ZNF217: variants seen among roughly 807,000 people sequenced by gnomAD.
The protein encoded by ZNF217 is zinc finger protein 217.
In ZNF217, 12 loss-of-function variants were observed where a neutral mutation model predicts 73.3. That is an observed-to-expected ratio of 0.16 (90% CI 0.10 to 0.27). The LOEUF (loss-of-function observed/expected upper bound fraction) is 0.27. Among genes scored for constraint, ZNF217 ranks in the 10% least tolerant of loss-of-function variants. ZNF217 has a pLI of 1.00. For synonymous variants in ZNF217, 588 were observed against 516.4 expected (o/e 1.14, Z -1.88); for missense variants, 1,195 against 1,327.8 (o/e 0.90, Z 1.55).
chr20:53,575,889 A>C lies in ZNF217; in HGVS notation c.2875T>G (p.Cys959Gly), dbSNP rs980054180. 9 of 1,614,214 alleles carry C rather than the reference A, an allele frequency of 5.6e-6. No individual in the cohort carries two copies. The highest frequency in any genetic ancestry group is 7.6e-6 in the Non-Finnish European group (9 of 1,180,042). The change falls in exon 4 of 6, where the codon TGT (cysteine) becomes GGT (glycine). Residue 959 changes from cysteine (C) to glycine (G), a missense_variant. Coordinates refer to ENST00000371471, the MANE Select transcript of ZNF217 (RefSeq NM_006526.3). ...GGCAGCGCCTGCGACGGATACACACAGTCCTGCGGTAACAGTGATGTGATG... is the reference window on the plus strand; with the variant it reads ...GGCAGCGCCTGCGACGGATACACACCGTCCTGCGGTAACAGTGATGTGATG... ...RGITSLLPQD[C>G]VYPSQALPPK...
intron 1 of ZNF217, among the ~76,000 whole-genome samples, chr20:53,591,894 A>G (rs1256151643): frequency 2.0e-5 from 3 of 152,232 alleles, no homozygotes; most frequent in Non-Finnish European, 2.9e-5. Flanking sequence ...CTTCAGGGGA[A>G]AGAAGTACAG....
intron 1 of ZNF217, among the ~76,000 whole-genome samples, chr20:53,584,021 A>C (rs550338816): frequency 6.6e-6 from 1 of 152,358 alleles, no homozygotes; most frequent in East Asian, 1.9e-4. Flanking sequence ...TCATCAGAAA[A>C]TGGGCCCTCT....
In ZNF217 at chr20:53,576,377, G is replaced by T; in HGVS notation, c.2387C>A (p.Pro796His). 6.2e-7 allele frequency: 1 copy of T among 1,614,220 alleles called. No homozygotes were observed. The highest frequency in any genetic ancestry group is 1.1e-5 in the South Asian group (1 of 91,088). Residue 796 changes from proline (P) to histidine (H), a missense_variant, in exon 4 of 6, where the codon CCT (proline) becomes CAT (histidine). Physicochemically the swap from Pro to His is moderately conservative, Grantham distance 77 (BLOSUM62 -2). This residue lies in a region of ZNF217 where 649 missense variants were observed against 642.8 expected (regional missense o/e 1.01). Transcript: ENST00000371471. Reference sequence around the variant, plus strand: ...CAGAGGGGCCTTGCCTGGCCCAGGAGGGCTCTGCTTCCCCTTCGCAGATGG... The same window carrying T: ...CAGAGGGGCCTTGCCTGGCCCAGGATGGCTCTGCTTCCCCTTCGCAGATGG... ...SLPSAKGKQS[P>H]PGPGKAPLTS...
At position 53,582,995 on chromosome 20, in the gene ZNF217, G is replaced by T; in HGVS notation, c.-169C>A. ...TCTAACTTCTTCGAACTTTTAGGAAGCTCAGTGATGGTGTCACTGGTTCTT... is the reference window on the plus strand; with the variant it reads ...TCTAACTTCTTCGAACTTTTAGGAATCTCAGTGATGGTGTCACTGGTTCTT... On this transcript the variant is annotated 5_prime_UTR_variant, in exon 2 of 6. Coordinates refer to ENST00000371471, the MANE Select transcript of ZNF217 (RefSeq NM_006526.3). This position sits in a 1 kb window ranked among gnomAD's most constrained non-coding sequence, Gnocchi z 4.8. 1 of 648,862 alleles carries T rather than the reference G, an allele frequency of 1.5e-6. No individual in the cohort carries two copies. Among genetic ancestry groups the T allele is most frequent in the Non-Finnish European group, 2.5e-6 (1 of 397,288 alleles). 40.2% of individuals were successfully genotyped at this position (648,862 alleles called of 1,614,324 possible). A position where few individuals can be genotyped will look rare whatever the true frequency, so the allele number is the denominator to read the frequency against.
upstream of ZNF217, among the ~76,000 whole-genome samples, chr20:53,594,349 C>T (rs1368075927): frequency 8.1e-5 from 12 of 148,106 alleles, no homozygotes; most frequent in East Asian, 2.3e-3. Flanking sequence ...CCGCCCCGCC[C>T]CCTGCCTTCA....
intron 2 of ZNF217, among the ~76,000 whole-genome samples, chr20:53,579,748 T>G (rs1988417152): frequency 1.3e-5 from 2 of 152,260 alleles, no homozygotes; most frequent in South Asian, 4.1e-4. Flanking sequence ...TTTTTACAAA[T>G]AGGCTGTTGA....
intron 5 of ZNF217, among the ~76,000 whole-genome samples, chr20:53,569,959 A>G (rs1987920736): frequency 6.6e-6 from 1 of 152,000 alleles, no homozygotes; most frequent in South Asian, 2.1e-4. Context: ...CAAAACCAAT[A>G]TGTGAGCTGG....
At position 53,571,778 on chromosome 20, in the gene ZNF217, T is replaced by C. The variant is rs1162974854; in HGVS notation, c.3113A>G (p.Asn1038Ser). The stretch of plus-strand genomic sequence containing the variant: ...TTTGTCATTTGGTCGATAATGTGCA[T>C]TCCCAATAAAATTCTCATAGTTTCT... ...QKRNYENFIG[N>S]AHYRPNDKKT is the part of the protein sequence containing the mutation. Residue 1038 changes from asparagine to serine, a missense_variant, in exon 5 of 6, where the codon AAT becomes AGT. Transcript: ENST00000371471. The C allele has an allele frequency of 6.2e-6, 10 of 1,613,684 alleles. 1 individual carries two copies. The highest frequency in any genetic ancestry group is 3.3e-4 in the Middle Eastern group (2 of 6,082).
Position 53,575,875 on chromosome 20 carries a change from C to T in ZNF217, c.2889G>A (p.Ser963=). ...ACCTTGGTTTGGGAGGCAGCGCCTG[C>T]GACGGATACACACAGTCCTGCGGTA... is the stretch of plus-strand genomic sequence containing the variant. ...SLLPQDCVYP[S]QALPPKPRFL... The change falls in exon 4 of 6, where the codon TCG becomes TCA. Residue 963 remains serine (S), a synonymous_variant. Coordinates refer to ENST00000371471, the MANE Select transcript of ZNF217 (RefSeq NM_006526.3). The T allele has an allele frequency of 4.3e-6, 7 of 1,614,204 alleles. No homozygotes were observed. The highest frequency in any genetic ancestry group is 4.2e-6 in the Non-Finnish European group (5 of 1,180,044).
upstream of ZNF217, among the ~76,000 whole-genome samples, chr20:53,597,094 AAAG>A (rs1339019477): frequency 1.3e-5 from 2 of 151,664 alleles, no homozygotes; most frequent in Non-Finnish European, 2.9e-5. Flanking sequence ...AAAAAAAAAA[AAAG>A]AAAAAAAAAA....
intron 1 of ZNF217, among the ~76,000 whole-genome samples, chr20:53,592,845 A>T (rs1301191582): frequency 2.6e-5 from 4 of 151,598 alleles, no homozygotes; most frequent in African/African-American, 9.7e-5. Context: ...TTAAAAAAAA[A>T]AAAAAAGAAA....
rs1264717632 is a variant in ZNF217, at chr20:53,567,985, G to C, written c.*1303C>G. 1 of 152,592 alleles carries C rather than the reference G, an allele frequency of 6.6e-6. No homozygotes were observed. Among genetic ancestry groups the C allele is most frequent in the Non-Finnish European group, 1.5e-5 (1 of 68,030 alleles). 9.5% of individuals were successfully genotyped at this position (152,592 alleles called of 1,614,324 possible). A position where few individuals can be genotyped will look rare whatever the true frequency, so the allele number is the denominator to read the frequency against. On this transcript the variant is annotated 3_prime_UTR_variant, in exon 6 of 6. Transcript: ENST00000371471. The stretch of plus-strand genomic sequence containing the variant: ...GTACTAATAAACTCAGCCATGGACA[G>C]CATATTAAAGAACAAAAGTTTAAAA...
rs746352060 is a variant in ZNF217, at chr20:53,581,821, T to C, written c.1006A>G (p.Thr336Ala). Reference sequence around the variant, plus strand: ...AGGCCTGCACAACTGCCCTTATTTGTTTCTCCAAGCTCCTTCTCGGAACTC... The same window carrying C: ...AGGCCTGCACAACTGCCCTTATTTGCTTCTCCAAGCTCCTTCTCGGAACTC... ...DSSSEKELGE[T>A]NKGSCAGLSQ... The change falls in exon 2 of 6, where the codon ACA (threonine) becomes GCA (alanine). Residue 336 changes from threonine (T) to alanine (A), a missense_variant. Thr to Ala is a moderately conservative substitution (Grantham distance 58, BLOSUM62 0). Around this residue, in one of 9 missense-constraint regions of ZNF217, gnomAD observed 102 missense variants for 91.9 expected, o/e 1.11. Coordinates refer to ENST00000371471, the MANE Select transcript of ZNF217 (RefSeq NM_006526.3). The surrounding 1 kb of genome is among the most constrained non-coding windows in gnomAD (Gnocchi z 4.9). The C allele has an allele frequency of 1.2e-6, 2 of 1,614,238 alleles. No individual in the cohort carries two copies. The highest frequency in any genetic ancestry group is 1.7e-6 in the Non-Finnish European group (2 of 1,180,030).
intron 1 of ZNF217, among the ~76,000 whole-genome samples, chr20:53,585,903 C>T (rs568762697): frequency 6.6e-6 from 1 of 152,250 alleles, no homozygotes; most frequent in South Asian, 2.1e-4. Context: ...AGAATTCTTT[C>T]TCCAGGAAAG....
intron 5 of ZNF217, chr20:53,570,548 T>C (rs968187671): frequency 5.2e-5 from 8 of 152,632 alleles, no homozygotes; most frequent in African/African-American, 1.9e-4. Flanking sequence ...GAATGAGTCA[T>C]AGTATAACCT....
rs1987880281 is a variant in ZNF217, at chr20:53,569,213, G to A, written c.*75C>T. ...AGCTTTCACCATTCGCTTCTCAAAG[G>A]ATGAAGTAAAATTTAATTTCATGGG... On this transcript the variant is annotated 3_prime_UTR_variant, in exon 6 of 6. Transcript: ENST00000371471. 1.5e-6 allele frequency: 2 copies of A among 1,350,964 alleles called. No individual in the cohort carries two copies. The highest frequency in any genetic ancestry group is 2.0e-6 in the Non-Finnish European group (2 of 1,014,260). The allele number at this position is 1,350,964 out of a possible 1,614,324, so 83.7% of individuals were successfully genotyped here. A position where few individuals can be genotyped will look rare whatever the true frequency, so the allele number is the denominator to read the frequency against.
rs1988230955 is a variant in ZNF217, at chr20:53,575,775, A to G, written c.2989T>C (p.Tyr997His). 4 of 1,609,192 alleles carry G rather than the reference A, an allele frequency of 2.5e-6. No homozygotes were observed. The highest frequency in any genetic ancestry group is 1.7e-5 in the Admixed American group (1 of 59,246). ...QKPYGGSGPL[Y>H]TCVPAGSPAS... ...GGACTACCAGCAGGCACACAAGTGT[A>G]AAGTGGCCCGGAGCCACCATAGGGC... Residue 997 changes from tyrosine (Y) to histidine (H), a missense_variant, in exon 4 of 6, where the codon TAC (tyrosine) becomes CAC (histidine). Coordinates refer to ENST00000371471, the MANE Select transcript of ZNF217 (RefSeq NM_006526.3).
chr20:53,576,761 G>A lies in ZNF217; in HGVS notation c.2003C>T (p.Thr668Met), dbSNP rs746990012. 41 of 1,614,062 alleles carry A rather than the reference G, an allele frequency of 2.5e-5. No individual in the cohort carries two copies. In the African/African-American group the frequency reaches 3.9e-4, roughly 15 times the overall value. ...GTATCTGCAGTCAGCTGCGGTCTCC[G>A]TTTGCTTCTCTTTGGGGCTAACTTC... ...NLEVSPKEKQ[T>M]ETAADCRYRP... Residue 668 changes from threonine (T) to methionine (M), a missense_variant, in exon 4 of 6, where the codon ACG becomes ATG. Physicochemically the swap from Thr to Met is moderately conservative, Grantham distance 81. Coordinates refer to ENST00000371471, the MANE Select transcript of ZNF217 (RefSeq NM_006526.3).
At chr20:53,595,809 T>C (rs1191964247), upstream of ZNF217, among the ~76,000 whole-genome samples, 1 of 152,240 alleles carries the variant, frequency 6.6e-6, no homozygotes, top group Non-Finnish European at 1.5e-5. Flanking sequence ...AAACACTTCA[T>C]AAACAAGAAA....
Sources: gnomAD v4.1 joint callset for allele counts (sites outside exome capture counted in the v4.1 genomes callset) on GRCh38, gnomAD v4.1.1 for gene constraint, gnomAD v4.1.1 regional missense constraint, Gnocchi (gnomAD v3.1) non-coding constraint, MANE v1.5 for transcripts, NCBI Gene and HGNC (gene_info 2026-07-23, HGNC 2026-07-21) for gene names.